Variants in OXR1 observed in about 807,000 individuals in gnomAD.
The protein encoded by OXR1 is oxidation resistance 1, also known as oxidation resistance protein 1.
Under a neutral mutation model 104.6 loss-of-function variants are expected in OXR1, and 41 were observed. That is an observed-to-expected ratio of 0.39 (90% CI 0.31 to 0.51). The LOEUF is 0.51. Ranked by LOEUF, OXR1 falls within the 20% of genes least tolerant of loss-of-function variation. The pLI, the probability that OXR1 is intolerant of heterozygous loss-of-function variation, is 0.77. For synonymous variants in OXR1, 348 were observed against 348.4 expected (o/e 1.00, Z 0.01); for missense variants, 955 against 1,031.9 (o/e 0.93, Z 1.02).
At chr8:106,485,153 C>G (rs560547547) in intron 2 of OXR1, among the ~76,000 whole-genome samples, 2 of 151,664 alleles carry the variant, frequency 1.3e-5, no homozygotes, top group Admixed American at 1.3e-4. Context: ...TCCATTGTTA[C>G]CAGGGGTTCA....
At chr8:106,611,226 T>C (rs565072649) in intron 3 of OXR1, among the ~76,000 whole-genome samples, 1 of 152,236 alleles carries the variant, frequency 6.6e-6, no homozygotes, top group Admixed American at 6.5e-5. Context: ...GGGAAGAGCA[T>C]TCTAAGAAAA....
At chr8:106,589,381 T>C (rs2130684415) in intron 3 of OXR1, among the ~76,000 whole-genome samples, 1 of 151,636 alleles carries the variant, frequency 6.6e-6, no homozygotes, top group Admixed American at 6.6e-5. Context: ...AGTGAACATT[T>C]ATTTTTATGC....
At chr8:106,320,861 A>G (rs1490730450) in intron 1 of OXR1, among the ~76,000 whole-genome samples, 4 of 152,062 alleles carry the variant, frequency 2.6e-5, no homozygotes, top group Admixed American at 2.0e-4. Context: ...TTGTTGAGAC[A>G]TGGTTTTGCC....
intron 8 of OXR1, among the ~76,000 whole-genome samples, chr8:106,704,470 G>A (rs938436379): frequency 8.5e-6 from 1 of 118,008 alleles, no homozygotes; most frequent in Non-Finnish European, 1.6e-5. Context: ...GCAATAGCAC[G>A]ATCTGCAACA....
chr8:106,690,668 T>G (rs551020948), intron 6 of OXR1, among the ~76,000 whole-genome samples: 3 of 151,968 alleles, frequency 2.0e-5, no homozygotes, highest in African/African-American at 7.2e-5. Context: ...ATTATTTTAT[T>G]CTGTATTTGA....
chr8:106,486,033 A>G (rs892524852), intron 2 of OXR1, among the ~76,000 whole-genome samples: 18 of 152,062 alleles, frequency 1.2e-4, no homozygotes, highest in Middle Eastern at 3.2e-3. Context: ...GAGTAAGTTC[A>G]AGAGATCTAT....
At chr8:106,516,002 C>A (rs922810996) in intron 2 of OXR1, among the ~76,000 whole-genome samples, 1 of 152,024 alleles carries the variant, frequency 6.6e-6, no homozygotes, top group Non-Finnish European at 1.5e-5. Flanking sequence ...CATTTAAGAA[C>A]CTTGAAGCTC....
chr8:106,450,205 G>A (rs1820237120), intron 2 of OXR1, among the ~76,000 whole-genome samples: 1 of 152,136 alleles, frequency 6.6e-6, no homozygotes, highest in South Asian at 2.1e-4. Flanking sequence ...CAAAGCTAAG[G>A]TCTGCTTATG....
chr8:106,681,354 A>G (rs1828131123), intron 4 of OXR1, among the ~76,000 whole-genome samples: 1 of 152,178 alleles, frequency 6.6e-6, no homozygotes, highest in Non-Finnish European at 1.5e-5. Flanking sequence ...AGGCAGAACT[A>G]GATTATTATT....
At chr8:106,346,804 C>T (rs1195538331) in intron 1 of OXR1, among the ~76,000 whole-genome samples, 1 of 152,090 alleles carries the variant, frequency 6.6e-6, no homozygotes. Context: ...CTTTGGGAGG[C>T]CAAGGCGGGC....
intron 1 of OXR1, among the ~76,000 whole-genome samples, chr8:106,312,383 G>A (rs895286628): frequency 2.6e-5 from 4 of 152,306 alleles, no homozygotes; most frequent in African/African-American, 7.2e-5. Context: ...GCTGGCTTCC[G>A]CCAGAGTGAG....
intron 2 of OXR1, among the ~76,000 whole-genome samples, chr8:106,483,340 T>C (rs1406822734): frequency 6.6e-6 from 1 of 151,878 alleles, no homozygotes; most frequent in Non-Finnish European, 1.5e-5. Context: ...TTAAACATGA[T>C]TGAATTTAGA....
intron 2 of OXR1, among the ~76,000 whole-genome samples, chr8:106,490,595 A>G (rs1003947224): frequency 8.6e-5 from 13 of 152,044 alleles, no homozygotes; most frequent in Admixed American, 2.0e-4. Flanking sequence ...CGAACCCCCA[A>G]TCTCAAATGA....
rs1346541654 is a variant in OXR1 at position 106,359,424 on chromosome 8, A to G, written c.-138-52A>G. ...GATTTGGATGAAATAAATCTGTGACAAACCACATAGACCAGGTACTAGAGA... is the reference window on the plus strand; with the variant it reads ...GATTTGGATGAAATAAATCTGTGACGAACCACATAGACCAGGTACTAGAGA... On this transcript the variant is annotated intron_variant, in intron 1 of 16. Coordinates refer to ENST00000517566, the MANE Select transcript of OXR1 (RefSeq NM_001198533.2). The G allele has an allele frequency of 1.6e-4, 86 of 540,910 alleles. No homozygotes were observed. The East Asian group carries it at 2.5e-3, about 15-fold the overall frequency. 33.5% of individuals were successfully genotyped at this position (540,910 alleles called of 1,614,324 possible).
intron 3 of OXR1, among the ~76,000 whole-genome samples, chr8:106,654,603 G>A (rs1028768771): frequency 2.0e-5 from 3 of 152,046 alleles, no homozygotes. Context: ...TCCTATGTTA[G>A]ATCAAAGACC....
chr8:106,697,043 G>C (rs1830104796), intron 7 of OXR1, among the ~76,000 whole-genome samples: 1 of 152,202 alleles, frequency 6.6e-6, no homozygotes, highest in Admixed American at 6.5e-5. Flanking sequence ...TCAGAAGGCA[G>C]AGGCAGCATC....
intron 2 of OXR1, among the ~76,000 whole-genome samples, chr8:106,377,077 T>A (rs1192355932): frequency 6.6e-6 from 1 of 152,176 alleles, no homozygotes; most frequent in Admixed American, 6.5e-5. Flanking sequence ...TATTAATAGA[T>A]ATTACCACAA....
intron 7 of OXR1, 70 bp from the exon 8 acceptor site, chr8:106,702,836 T>TA: frequency 8.4e-7 from 1 of 1,186,540 alleles, no homozygotes. Context: ...AGAAAATTAG[T>TA]AAAAATAGCT....
intron 7 of OXR1, among the ~76,000 whole-genome samples, chr8:106,701,044 G>A (rs937659560): frequency 3.9e-5 from 6 of 151,960 alleles, no homozygotes; most frequent in Admixed American, 1.3e-4. Context: ...CAATGTAAAT[G>A]TTCTCTACAA....
Sources: allele counts gnomAD v4.1 joint callset (sites outside exome capture counted in the v4.1 genomes callset), GRCh38; gene constraint gnomAD v4.1.1; transcripts MANE v1.5; gene names NCBI Gene and HGNC (gene_info 2026-07-23, HGNC 2026-07-21).